WWOX: variants seen among roughly 807,000 people sequenced by gnomAD.
WWOX encodes the protein WW domain containing oxidoreductase, also known as WW domain-containing oxidoreductase.
In WWOX, 69 loss-of-function variants were observed where a neutral mutation model predicts 46.2. The ratio of observed to expected loss-of-function variants is 1.49; its 90% CI spans 1.23 to 1.82. The LOEUF is 1.82. Among genes scored for constraint, WWOX ranks in the 40% most tolerant of loss-of-function variants. WWOX has a pLI of 0.00. For synonymous variants in WWOX, 359 were observed against 202.6 expected (o/e 1.77, Z -6.56); for missense variants, 919 against 542.6 (o/e 1.69, Z -6.89).
At chr16:78,871,889 C>T (rs2044136729) in intron 8 of WWOX, among the ~76,000 whole-genome samples, 1 of 152,306 alleles carries the variant, frequency 6.6e-6, no homozygotes, top group East Asian at 1.9e-4. Context: ...AGGTGTGAGC[C>T]CCCAGGCCCT....
At chr16:78,113,265 G>A (rs1221542199) in intron 3 of WWOX, among the ~76,000 whole-genome samples, 3 of 152,172 alleles carry the variant, frequency 2.0e-5, no homozygotes, top group Non-Finnish European at 4.4e-5. Context: ...GTCATCCAGG[G>A]GATCCTGATG....
At chr16:78,975,154 C>T (rs1325000127) in intron 8 of WWOX, among the ~76,000 whole-genome samples, 1 of 152,188 alleles carries the variant, frequency 6.6e-6, no homozygotes, top group African/African-American at 2.4e-5. Flanking sequence ...AAAAAGTCAA[C>T]ATTGTTATGT....
Position 78,580,184 on chromosome 16 carries a change from C to G in WWOX, c.1056+147432C>G, listed in dbSNP as rs532734498. Among the ~76,000 whole-genome samples the G allele has an allele frequency of 1.6e-3, 246 of 152,070 alleles. 1 individual carries two copies. The highest frequency in any genetic ancestry group is 5.4e-3 in the African/African-American group (226 of 41,480). ...CACCTCCCAAGTTCAAGTGATTCTC[C>G]TGCCTCAGCCTCTTGAGTAGGTGGG... On this transcript the variant is annotated intron_variant, in intron 8 of 8. Coordinates refer to ENST00000566780, the MANE Select transcript of WWOX (RefSeq NM_016373.4).
intron 8 of WWOX, among the ~76,000 whole-genome samples, chr16:78,537,508 A>G (rs534562115): frequency 1.3e-5 from 2 of 152,294 alleles, no homozygotes; most frequent in African/African-American, 2.4e-5. Context: ...CATCATTATC[A>G]TATGATTTAC....
Position 78,799,590 on chromosome 16 carries a change from C to T in WWOX, c.1056+366838C>T, listed in dbSNP as rs1019297682. 4.1e-5 allele frequency among the ~76,000 whole-genome samples: 6 copies of T among 146,520 alleles called. No homozygotes were observed. In the South Asian group the frequency reaches 6.8e-4, roughly 17 times the overall value. On this transcript the variant is annotated intron_variant, in intron 8 of 8. Transcript: ENST00000566780. ...GAGGAGGGGTGAGGCTGTCAGAAGC[C>T]GAGGGACTTGGCCAAGGTCACATGG...
chr16:79,001,191 T>G (rs1039256149), intron 8 of WWOX, among the ~76,000 whole-genome samples: 1 of 152,318 alleles, frequency 6.6e-6, no homozygotes, highest in Admixed American at 6.5e-5. Context: ...ATAAAGGGCC[T>G]AGAAGATGCA....
Position 79,028,981 on chromosome 16 carries a change from A to G in WWOX, c.1057-182627A>G, listed in dbSNP as rs563477624. Among the ~76,000 whole-genome samples, 26 of 151,970 alleles carry G rather than the reference A, an allele frequency of 1.7e-4. 1 individual carries two copies. Among genetic ancestry groups the G allele is most frequent in the African/African-American group, 6.1e-4 (25 of 41,234 alleles). ...ATCTAGTACCTATGCTATGTGGAGA[A>G]CACTCTCCATGTCTTTGAAAAATAA... On this transcript the variant is annotated intron_variant, in intron 8 of 8. Transcript: ENST00000566780.
At chr16:78,225,041 C>G (rs779632621) in intron 5 of WWOX, among the ~76,000 whole-genome samples, 1 of 152,178 alleles carries the variant, frequency 6.6e-6, no homozygotes, top group Non-Finnish European at 1.5e-5. Context: ...GGTACAGTCA[C>G]ATCGCTTAAC....
chr16:79,197,345 G>C (rs77472460), intron 8 of WWOX, among the ~76,000 whole-genome samples: 7,482 of 152,256 alleles, frequency 0.049, 233 homozygotes, highest in Middle Eastern at 0.11. Context: ...GATCATAGCA[G>C]CTTCCAAGAG....
intron 8 of WWOX, among the ~76,000 whole-genome samples, chr16:78,881,332 G>A (rs1296290232): frequency 6.6e-6 from 1 of 152,136 alleles, no homozygotes; most frequent in East Asian, 1.9e-4. Flanking sequence ...CATAGTTACT[G>A]CTGCCCAGGC....
At chr16:78,719,335 C>A (rs563980964) in intron 8 of WWOX, among the ~76,000 whole-genome samples, 1 of 152,216 alleles carries the variant, frequency 6.6e-6, no homozygotes, top group African/African-American at 2.4e-5. Context: ...CCTGCTCATT[C>A]CTCCCGTGAG....
At chr16:78,678,738 A>G (rs2047661054) in intron 8 of WWOX, among the ~76,000 whole-genome samples, 1 of 152,120 alleles carries the variant, frequency 6.6e-6, no homozygotes, top group Non-Finnish European at 1.5e-5. Flanking sequence ...GGAAGGGAGG[A>G]ACGATAGGAA....
intron 8 of WWOX, among the ~76,000 whole-genome samples, chr16:78,937,548 G>C (rs1336631111): frequency 7.0e-6 from 1 of 142,912 alleles, no homozygotes; most frequent in Non-Finnish European, 1.5e-5. Flanking sequence ...GCCTTGCTTG[G>C]CTTCCCAAAG....
At chr16:78,754,230 A>C (rs2049575840) in intron 8 of WWOX, among the ~76,000 whole-genome samples, 1 of 152,082 alleles carries the variant, frequency 6.6e-6, no homozygotes, top group Non-Finnish European at 1.5e-5. Context: ...AGGATGCCTC[A>C]CTTCTCTTCC....
intron 8 of WWOX, among the ~76,000 whole-genome samples, chr16:78,514,941 G>A (rs1012981075): frequency 2.6e-5 from 4 of 152,102 alleles, no homozygotes; most frequent in Admixed American, 1.3e-4. Flanking sequence ...AGAATCACAG[G>A]CGTTTTTGAG....
intron 8 of WWOX, among the ~76,000 whole-genome samples, chr16:78,606,690 A>T (rs915203647): frequency 1.3e-5 from 2 of 150,750 alleles, no homozygotes; most frequent in Admixed American, 6.6e-5. Context: ...GATTAGGACG[A>T]CTGAAAGGGC....
chr16:78,777,738 G>A (rs1197874039), intron 8 of WWOX, among the ~76,000 whole-genome samples: 1 of 152,152 alleles, frequency 6.6e-6, no homozygotes, highest in East Asian at 1.9e-4. Context: ...TACTAGGATA[G>A]GCACTTTGCA....
chr16:78,964,574 G>T (rs1370799883), intron 8 of WWOX, among the ~76,000 whole-genome samples: 2 of 152,206 alleles, frequency 1.3e-5, no homozygotes, highest in African/African-American at 4.8e-5. Flanking sequence ...GAGCATCAAG[G>T]TTTGGAAAAT....
intron 8 of WWOX, among the ~76,000 whole-genome samples, chr16:78,795,456 C>G (rs183737687): frequency 6.6e-6 from 1 of 151,818 alleles, no homozygotes; most frequent in Non-Finnish European, 1.5e-5. Flanking sequence ...TAGTACTTGT[C>G]TTCAACCTCC....
Sources: allele counts gnomAD v4.1 joint callset (sites outside exome capture counted in the v4.1 genomes callset), GRCh38; gene constraint gnomAD v4.1.1; transcripts MANE v1.5; gene names NCBI Gene and HGNC (gene_info 2026-07-23, HGNC 2026-07-21).